The following SNX8 variants were observed in gnomAD, a reference collection of about 807,000 sequenced individuals.
SNX8 encodes sorting nexin 8.
SNX8 carries 25 observed loss-of-function variants against 51.6 expected under a neutral mutation model. The ratio of observed to expected loss-of-function variants is 0.48; its 90% confidence interval spans 0.35 to 0.68. The LOEUF (loss-of-function observed/expected upper bound fraction) is 0.68. Among genes scored for constraint, SNX8 ranks in the 30% least tolerant of loss-of-function variants. The probability of loss-of-function intolerance (pLI) is 0.00; values close to 1 mark genes in which losing one functional copy is unlikely to be tolerated. For missense variants in SNX8, 695 were observed against 624.0 expected (o/e 1.11, Z -1.21); for synonymous variants, 324 against 277.0 (o/e 1.17, Z -1.68).
At chr7:2,283,594 C>T (rs1415546042) in intron 1 of SNX8, among the ~76,000 whole-genome samples, 1 of 152,198 alleles carries the variant, frequency 6.6e-6, no homozygotes, top group African/African-American at 2.4e-5. Context: ...TGCTCTTCCA[C>T]GACACACGGC....
chr7:2,282,520 CACAAATCAGAAGGT>C (rs1795930449), intron 1 of SNX8, among the ~76,000 whole-genome samples: 1 of 152,216 alleles, frequency 6.6e-6, no homozygotes, highest in Non-Finnish European at 1.5e-5. Context: ...GCGAGTTATC[CACAAATCAGAAGGT>C]AACGAAACTT....
chr7:2,277,822 A>AT (rs1281979646), intron 2 of SNX8, among the ~76,000 whole-genome samples: 3 of 148,242 alleles, frequency 2.0e-5, no homozygotes, highest in African/African-American at 7.4e-5. Context: ...AAAAAAAAAA[A>AT]GAAACAGGAC....
At chr7:2,286,318 G>A (rs528540200) in intron 1 of SNX8, among the ~76,000 whole-genome samples, 4 of 151,644 alleles carry the variant, frequency 2.6e-5, no homozygotes, top group East Asian at 2.0e-4. Flanking sequence ...AGCCTAGGTC[G>A]TATACTTTAA....
At chr7:2,256,818 C>T in intron 10 of SNX8, 56 bp downstream of exon 10, 5 of 1,558,664 alleles carry the variant, frequency 3.2e-6, no homozygotes, top group Middle Eastern at 2.0e-4. Context: ...GAAGGAAGGG[C>T]GGAGGGACAA....
rs977802171 is a variant in SNX8 at position 2,264,353 on chromosome 7, C to T, written c.727G>A (p.Ala243Thr). The change falls in exon 6 of 11, where the codon GCA (alanine) becomes ACA (threonine). Residue 243 changes from alanine (A) to threonine (T), a missense_variant. Ala to Thr is a moderately conservative substitution (Grantham distance 58). Coordinates refer to ENST00000222990, the MANE Select transcript of SNX8 (RefSeq NM_013321.4). ...GCCGCATTGTCGATGGCCCGCGATG[C>T]GATCCGCTCGGCCCTGTCGCGAAGC... is the stretch of plus-strand genomic sequence containing the variant. ...HKLRDRAERI[A>T]SRAIDNAADL... 9 of 1,612,788 alleles carry T rather than the reference C, an allele frequency of 5.6e-6. No individual in the cohort carries two copies. Among genetic ancestry groups the T allele is most frequent in the Non-Finnish European group, 7.6e-6 (9 of 1,179,924 alleles).
At chr7:2,278,359 C>G in intron 1 of SNX8, 54 bp from the exon 2 acceptor site, 1 of 1,174,062 alleles carries the variant, frequency 8.5e-7, no homozygotes, top group Admixed American at 2.3e-5. Context: ...AAGCTGGAGC[C>G]TTGGCTGGGC....
chr7:2,268,506 T>C (rs1235834687), intron 5 of SNX8, among the ~76,000 whole-genome samples: 4 of 109,064 alleles, frequency 3.7e-5, no homozygotes, highest in Non-Finnish European at 5.6e-5. Context: ...AGGTGGGGGG[T>C]CAGCCCCCCC....
Position 2,314,322 on chromosome 7 carries a change from C to T in SNX8, c.94+6G>A. The T allele has an allele frequency of 8.2e-7, 1 of 1,222,046 alleles. No homozygotes were observed. Among genetic ancestry groups the T allele is most frequent in the Admixed American group, 4.3e-5 (1 of 23,290 alleles). The allele number at this position is 1,222,046 out of a possible 1,614,324, so 75.7% of individuals were successfully genotyped here. Reference sequence around the variant, plus strand: ...AGGTGGGGGCTACCGCCGCCCCACGCCCTACCTGACGCCGGGGGATCCGCC... The same window carrying T: ...AGGTGGGGGCTACCGCCGCCCCACGTCCTACCTGACGCCGGGGGATCCGCC... On this transcript the variant is annotated splice_donor_region_variant and intron_variant, in intron 1 of 10. Transcript: ENST00000222990.
At chr7:2,302,556 G>A (rs1421360558) in intron 1 of SNX8, among the ~76,000 whole-genome samples, 1 of 150,988 alleles carries the variant, frequency 6.6e-6, no homozygotes, top group Non-Finnish European at 1.5e-5. Context: ...TCTCTGCCTG[G>A]CCGCCCATCG....
intron 1 of SNX8, among the ~76,000 whole-genome samples, chr7:2,331,546 A>G (rs1434782506): frequency 6.6e-6 from 1 of 151,942 alleles, no homozygotes; most frequent in Admixed American, 6.6e-5. Context: ...TCCACTAAAA[A>G]TACAAAAAAT....
At chr7:2,305,052 G>A (rs531484216) in intron 1 of SNX8, among the ~76,000 whole-genome samples, 25 of 152,308 alleles carry the variant, frequency 1.6e-4, no homozygotes, top group African/African-American at 5.1e-4. Flanking sequence ...GACGCCGGAG[G>A]GTCTGGGTGC....
chr7:2,312,741 A>G (rs114873793), intron 1 of SNX8, among the ~76,000 whole-genome samples: 50 of 150,656 alleles, frequency 3.3e-4, no homozygotes, highest in African/African-American at 1.2e-3. Flanking sequence ...CCACAAGGGG[A>G]TTCCCCAATC....
intron 1 of SNX8, among the ~76,000 whole-genome samples, chr7:2,303,281 T>TG (rs1285032893): frequency 3.3e-4 from 41 of 123,344 alleles, no homozygotes; most frequent in African/African-American, 1.2e-3. Context: ...GGGAGGGAGG[T>TG]GGGGGGGTCA....
chr7:2,336,294 A>G (rs977545276), intron 1 of SNX8, among the ~76,000 whole-genome samples: 1 of 151,952 alleles, frequency 6.6e-6, no homozygotes. Flanking sequence ...CCAGCTACTC[A>G]GAAGGCTGAG....
intron 1 of SNX8, among the ~76,000 whole-genome samples, chr7:2,322,390 C>A (rs577107056): frequency 6.6e-6 from 1 of 151,038 alleles, no homozygotes; most frequent in Admixed American, 6.6e-5. Flanking sequence ...AGAGCAAGAC[C>A]CCATCACTTA....
intron 1 of SNX8, among the ~76,000 whole-genome samples, chr7:2,295,234 T>G (rs1796243873): frequency 6.6e-6 from 1 of 151,324 alleles, no homozygotes; most frequent in African/African-American, 2.4e-5. Flanking sequence ...TGAAACAGCA[T>G]ATCTAATAAA....
intron 1 of SNX8, among the ~76,000 whole-genome samples, chr7:2,279,489 C>T (rs1431272308): frequency 3.3e-5 from 5 of 152,142 alleles, no homozygotes; most frequent in East Asian, 1.9e-4. Flanking sequence ...CCATGGCTCA[C>T]GCCTGTAATC....
At chr7:2,255,254 G>T in intron 10 of SNX8, 85 bp from the exon 11 acceptor site, 1 of 869,432 alleles carries the variant, frequency 1.2e-6, no homozygotes, top group Non-Finnish European at 1.7e-6. Context: ...TCGCCTGCCA[G>T]TGACAGGGAG....
chr7:2,347,601 C>T (rs1305564101), intron 1 of SNX8, among the ~76,000 whole-genome samples: 1 of 148,230 alleles, frequency 6.7e-6, no homozygotes, highest in Non-Finnish European at 1.5e-5. Flanking sequence ...TGATTTGGGG[C>T]CACACTGGAT....
Sources: gnomAD v4.1 joint callset for allele counts (sites outside exome capture counted in the v4.1 genomes callset) on GRCh38, gnomAD v4.1.1 for gene constraint, MANE v1.5 for transcripts, NCBI Gene and HGNC (gene_info 2026-07-23, HGNC 2026-07-21) for gene names.